The following DCP2 variants were observed in gnomAD, a reference collection of about 807,000 sequenced individuals.
The protein encoded by DCP2 is decapping mRNA 2.
A neutral mutation model predicts 56.1 loss-of-function variants in DCP2; 30 were observed. That is an observed-to-expected ratio of 0.53 (90% CI 0.40 to 0.73). The LOEUF is 0.73. DCP2 is among the 30% of genes least tolerant of loss of function. The pLI is 0.00. For synonymous variants in DCP2, 197 were observed against 163.3 expected (o/e 1.21, Z -1.57); for missense variants, 533 against 502.7 (o/e 1.06, Z -0.58).
intron 2 of DCP2, among the ~76,000 whole-genome samples, chr5:112,988,494 TAAAA>T (rs368124032): frequency 3.6e-5 from 3 of 82,450 alleles, no homozygotes; most frequent in South Asian, 4.8e-4. Flanking sequence ...TGTGTCTTAA[TAAAA>T]AAAAAAAAAA....
At chr5:113,012,288 A>G (rs534292957) in intron 10 of DCP2, among the ~76,000 whole-genome samples, 1 of 152,316 alleles carries the variant, frequency 6.6e-6, no homozygotes, top group Admixed American at 6.5e-5. Context: ...TGCGCCCAGG[A>G]GGTTGAGGCT....
At position 113,018,013 on chromosome 5, in the gene DCP2, A is replaced by T. The variant is rs1475383824; in HGVS notation, c.*4529A>T. On this transcript the variant is annotated 3_prime_UTR_variant, in exon 11 of 11. Coordinates refer to ENST00000389063, the MANE Select transcript of DCP2 (RefSeq NM_152624.6). ...GTACTGATACTGTAGAACTCCAGTC[A>T]AACTTCAGTGCACTGCTTTCTTACA... The T allele has an allele frequency of 6.6e-6, 1 of 152,198 alleles. No homozygotes were observed. Among genetic ancestry groups the T allele is most frequent in the African/African-American group, 2.4e-5 (1 of 41,448 alleles). The allele number at this position is 152,198 out of a possible 1,614,324, so 9.4% of individuals were successfully genotyped here.
At chr5:112,980,418 A>G (rs1274724791) in intron 1 of DCP2, among the ~76,000 whole-genome samples, 1 of 152,208 alleles carries the variant, frequency 6.6e-6, no homozygotes, top group African/African-American at 2.4e-5. Context: ...CAACCGGAAC[A>G]TTTTTCTACT....
At chr5:113,009,334 G>C (rs1749579881) in intron 9 of DCP2, among the ~76,000 whole-genome samples, 1 of 152,216 alleles carries the variant, frequency 6.6e-6, no homozygotes, top group Non-Finnish European at 1.5e-5. Context: ...ATGACAGAGA[G>C]CAAGTATATG....
chr5:113,002,417 G>A (rs1352806634), intron 7 of DCP2, among the ~76,000 whole-genome samples: 2 of 147,410 alleles, frequency 1.4e-5, no homozygotes, highest in South Asian at 4.3e-4. Context: ...AGTGAGACTC[G>A]GTCTCAAAAA....
intron 2 of DCP2, among the ~76,000 whole-genome samples, chr5:112,986,740 T>C (rs1748308180): frequency 6.6e-6 from 1 of 152,294 alleles, no homozygotes; most frequent in Non-Finnish European, 1.5e-5. Flanking sequence ...GGCTCACACC[T>C]ATAATCCCAG....
Position 113,013,560 on chromosome 5 carries a change from C to T in DCP2, c.*76C>T. 2.0e-6 allele frequency: 3 copies of T among 1,521,994 alleles called. No homozygotes were observed. Among genetic ancestry groups the T allele is most frequent in the East Asian group, 4.5e-5 (2 of 44,252 alleles). 94.3% of individuals were successfully genotyped at this position (1,521,994 alleles called of 1,614,324 possible). A position where few individuals can be genotyped will look rare whatever the true frequency, so the allele number is the denominator to read the frequency against. ...GAGTGGGTGTCTCCTCAAGCCTTAC[C>T]TTTCTCAGGTGTTTTAAAGAAATGC... On this transcript the variant is annotated 3_prime_UTR_variant, in exon 11 of 11. Coordinates refer to ENST00000389063, the MANE Select transcript of DCP2 (RefSeq NM_152624.6).
chr5:113,020,013 G>T lies in DCP2; in HGVS notation c.*6529G>T, dbSNP rs1209596530. 1.3e-5 allele frequency: 2 copies of T among 152,132 alleles called. No individual in the cohort carries two copies. The highest frequency in any genetic ancestry group is 2.4e-5 in the African/African-American group (1 of 41,434). 9.4% of individuals were successfully genotyped at this position (152,132 alleles called of 1,614,324 possible). A position where few individuals can be genotyped will look rare whatever the true frequency, so the allele number is the denominator to read the frequency against. ...TATTTCCAAAAGAAGACTTGATGTG[G>T]CTTTTTACATTATGCTTTAAAGATG... is the stretch of plus-strand genomic sequence containing the variant. On this transcript the variant is annotated 3_prime_UTR_variant, in exon 11 of 11. Transcript: ENST00000389063.
chr5:112,995,973 T>C (rs530910477), intron 4 of DCP2, among the ~76,000 whole-genome samples: 25 of 152,316 alleles, frequency 1.6e-4, no homozygotes, highest in African/African-American at 5.5e-4. Context: ...AGAGATCTGG[T>C]GTCTCTTCCT....
chr5:112,989,350 C>A (rs925764390), intron 2 of DCP2, among the ~76,000 whole-genome samples: 7 of 151,088 alleles, frequency 4.6e-5, no homozygotes, highest in Non-Finnish European at 7.4e-5. Flanking sequence ...TTAAGAAACA[C>A]ATATATTTGT....
intron 1 of DCP2, among the ~76,000 whole-genome samples, chr5:112,980,620 C>T (rs150927578): frequency 3.3e-5 from 5 of 152,144 alleles, no homozygotes; most frequent in African/African-American, 9.7e-5. Context: ...ACAGAATGAA[C>T]GCATTAAATG....
Position 112,985,865 on chromosome 5 carries a change from A to G in DCP2, c.84A>G (p.Glu28=). 1 of 1,607,458 alleles carries G rather than the reference A, an allele frequency of 6.2e-7. No homozygotes were observed. The highest frequency in any genetic ancestry group is 8.5e-7 in the Non-Finnish European group (1 of 1,174,418). The change falls in exon 2 of 11, where the codon GAA becomes GAG. Residue 28 remains glutamate (E), a synonymous_variant. Coordinates refer to ENST00000389063, the MANE Select transcript of DCP2 (RefSeq NM_152624.6). ...TTATTTTGCATATTCCCAGCGAGGA[A>G]AGAGACAATGCAATCCGAGTGTGTT... ...SRFILHIPSE[E]RDNAIRVCFQ... is the part of the protein sequence containing the mutation.
At chr5:113,004,324 A>T (rs942456290) in intron 8 of DCP2, among the ~76,000 whole-genome samples, 1 of 152,246 alleles carries the variant, frequency 6.6e-6, no homozygotes, top group Non-Finnish European at 1.5e-5. Flanking sequence ...TGAAAGGTTC[A>T]TTTAAAAATA....
chr5:113,012,569 G>GA (rs140707647), intron 10 of DCP2, among the ~76,000 whole-genome samples: 13 of 152,168 alleles, frequency 8.5e-5, no homozygotes, highest in Admixed American at 1.3e-4. Context: ...AAGGAGGGGG[G>GA]AAAAAATCCC....
In DCP2 at chr5:113,004,002, G is replaced by A; in HGVS notation, c.867G>A (p.Trp289Ter). Residue 289 changes from tryptophan (W) to a stop codon, truncating the protein, a stop_gained, in exon 8 of 11, where the codon TGG (tryptophan) becomes TGA (stop). Coordinates refer to ENST00000389063, the MANE Select transcript of DCP2 (RefSeq NM_152624.6). LOFTEE classifies it high-confidence loss of function. ...LFPDGSPGDQ[W>*]VKHRQPLQQK... ...CTGACGGTTCTCCTGGTGACCAGTGGGTAAAGCACAGGCAACCACTGCAGC... is the reference window on the plus strand; with the variant it reads ...CTGACGGTTCTCCTGGTGACCAGTGAGTAAAGCACAGGCAACCACTGCAGC... 6.2e-7 allele frequency: 1 copy of A among 1,613,998 alleles called. No individual in the cohort carries two copies.
intron 7 of DCP2, among the ~76,000 whole-genome samples, chr5:113,002,458 A>G (rs1201912713): frequency 6.6e-6 from 1 of 151,304 alleles, no homozygotes; most frequent in Admixed American, 6.6e-5. Context: ...GAGATTGTGT[A>G]TTATCAAGAG....
In DCP2 at chr5:113,018,897, C is replaced by G. The variant is rs1561713060; in HGVS notation, c.*5413C>G. 6.6e-6 allele frequency: 1 copy of G among 152,166 alleles called. No homozygotes were observed. Among genetic ancestry groups the G allele is most frequent in the Non-Finnish European group, 1.5e-5 (1 of 68,024 alleles). 9.4% of individuals were successfully genotyped at this position (152,166 alleles called of 1,614,324 possible). On this transcript the variant is annotated 3_prime_UTR_variant, in exon 11 of 11. Transcript: ENST00000389063. ...TCTTTCCTTCCTGAGAAGGTGATCT[C>G]ACTTTTGATGTTTGGGTCACCTGTG...
At position 113,022,136 on chromosome 5, in the gene DCP2, G is replaced by A. The variant is rs1447161889; in HGVS notation, c.*8652G>A. 6.6e-6 allele frequency: 1 copy of A among 152,496 alleles called. No homozygotes were observed. The highest frequency in any genetic ancestry group is 1.9e-4 in the East Asian group (1 of 5,200). 9.4% of individuals were successfully genotyped at this position (152,496 alleles called of 1,614,324 possible). On this transcript the variant is annotated 3_prime_UTR_variant, in exon 11 of 11. Transcript: ENST00000389063. ...TTAGAAATATTTATTCAGAATATAA[G>A]AATGTTTGTAAAATATTATAAATGT...
chr5:112,979,190 T>C (rs1747880640), intron 1 of DCP2, among the ~76,000 whole-genome samples: 1 of 152,218 alleles, frequency 6.6e-6, no homozygotes, highest in Non-Finnish European at 1.5e-5. Context: ...AAGAAATTTC[T>C]TTTTGCAGTT....
Sources: gnomAD v4.1 joint callset for allele counts (sites outside exome capture counted in the v4.1 genomes callset) on GRCh38, gnomAD v4.1.1 for gene constraint, MANE v1.5 for transcripts, NCBI Gene and HGNC (gene_info 2026-07-23, HGNC 2026-07-21) for gene names.